DNAH17: variants seen among roughly 807,000 people sequenced by gnomAD.
The protein encoded by DNAH17 is dynein axonemal heavy chain 17, also known as axonemal beta dynein heavy chain 17.
A neutral mutation model predicts 485.6 loss-of-function variants in DNAH17; 376 were observed. That is an observed-to-expected ratio of 0.77 (90% CI 0.71 to 0.84). The LOEUF (loss-of-function observed/expected upper bound fraction) is 0.84, where lower values mean the gene tolerates loss of function less well. DNAH17 is among the 40% of genes least tolerant of loss of function. The pLI is 0.00. For synonymous variants in DNAH17, 3,031 were observed against 2,405.9 expected, an observed-to-expected ratio of 1.26 and a Z score of -7.60; for missense variants, 6,370 against 5,839.3, an observed-to-expected ratio of 1.09 and a Z score of -2.96.
chr17:78,486,056 C>G lies in DNAH17; in HGVS notation c.7179G>C (p.Thr2393=). 2 of 1,613,954 alleles carry G rather than the reference C, an allele frequency of 1.2e-6. No individual in the cohort carries two copies. Among genetic ancestry groups the G allele is most frequent in the Non-Finnish European group, 1.7e-6 (2 of 1,179,884 alleles). ...FKTIKFPSQG[T]IFDYYIDPDT... ...CAGGATCAATGTAGTAGTCAAAAAT[C>G]GTTCCCTGCGAGGGGAACTTGATAG... Residue 2393 remains threonine, a synonymous_variant, in exon 46 of 81, where the codon ACG becomes ACC. Coordinates refer to ENST00000389840, the MANE Select transcript of DNAH17 (RefSeq NM_173628.4).
rs771106587 is a variant in DNAH17, at chr17:78,525,025, C to T, written c.3848G>A (p.Trp1283Ter). The T allele has an allele frequency of 1.9e-6, 3 of 1,613,474 alleles. No homozygotes were observed. The highest frequency in any genetic ancestry group is 2.5e-6 in the Non-Finnish European group (3 of 1,179,600). The change falls in exon 25 of 81, where the codon TGG becomes TAG. Residue 1283 changes from tryptophan (W) to a stop codon, truncating the protein, a stop_gained. Transcript: ENST00000389840. LOFTEE classifies it high-confidence loss of function. ...HREVRLLKEL[W>*]DMVVVVNTSI... is the part of the protein sequence containing the mutation. ...TGCACTCACCACAACAACCATGTCC[C>T]AGAGCTCCTTCAGTAGGCGGACCTC...
At chr17:78,479,189 T>A in intron 50 of DNAH17, 73 bp from the exon 51 acceptor site, 1 of 1,455,724 alleles carries the variant, frequency 6.9e-7, no homozygotes, top group Non-Finnish European at 9.5e-7. Context: ...CTCAAGTTTC[T>A]AAAGCCAATG....
intron 75 of DNAH17, 70 bp from the exon 76 acceptor site, chr17:78,429,370 T>A: frequency 1.3e-6 from 2 of 1,525,552 alleles, no homozygotes; most frequent in Non-Finnish European, 1.8e-6. Flanking sequence ...AGGGTCAGGC[T>A]CAGGCAGGCA....
At chr17:78,544,668 G>A (rs1043594056) in intron 16 of DNAH17, among the ~76,000 whole-genome samples, 1 of 152,014 alleles carries the variant, frequency 6.6e-6, no homozygotes, top group Non-Finnish European at 1.5e-5. Flanking sequence ...CGCGCATGGT[G>A]GCGGGCACCT....
intron 79 of DNAH17, among the ~76,000 whole-genome samples, chr17:78,425,793 T>A (rs1598429827): frequency 7.3e-6 from 1 of 137,230 alleles, no homozygotes; most frequent in African/African-American, 2.8e-5. Context: ...TGAGATGAAG[T>A]ATCGCTCTGT....
intron 41 of DNAH17, 146 bp downstream of exon 41, chr17:78,493,890 T>G (rs2089964111): frequency 5.0e-6 from 6 of 1,198,360 alleles, no homozygotes; most frequent in Non-Finnish European, 6.7e-6. Context: ...GCTTCCTCCC[T>G]GGCCCATGAC....
chr17:78,506,728 G>A lies in DNAH17; in HGVS notation c.4795C>T (p.Pro1599Ser), dbSNP rs774418819. ...LLDILSNGND[P>S]VEVSRHLSKL... ...CAAGGGGCCCCGCCTACCTCCACGG[G>A]GTCATTGCCATTGGAGAGAATGTCC... The change falls in exon 30 of 81, where the codon CCC (proline) becomes TCC (serine). Residue 1599 changes from proline (P) to serine (S), a missense_variant. Transcript: ENST00000389840. 28 of 1,613,938 alleles carry A rather than the reference G, an allele frequency of 1.7e-5. No individual in the cohort carries two copies. The highest frequency in any genetic ancestry group is 2.4e-5 in the Non-Finnish European group (28 of 1,179,876).
chr17:78,530,348 G>A lies in DNAH17; in HGVS notation c.3279C>T (p.Thr1093=). Residue 1093 remains threonine, a synonymous_variant, in exon 21 of 81, where the codon ACC becomes ACT. Coordinates refer to ENST00000389840, the MANE Select transcript of DNAH17 (RefSeq NM_173628.4). ...MFKRHLSNHV[T]NSLADLEAFM... ...GTACATGGCTGGGGACCCACCTGTT[G>A]GTGACGTGGTTGCTCAGGTGCCGCT... The A allele has an allele frequency of 6.2e-7, 1 of 1,607,072 alleles. No homozygotes were observed. The highest frequency in any genetic ancestry group is 8.5e-7 in the Non-Finnish European group (1 of 1,174,770).
At chr17:78,428,412 A>C in intron 77 of DNAH17, 113 bp downstream of exon 77, 1 of 1,303,036 alleles carries the variant, frequency 7.7e-7, no homozygotes, top group Non-Finnish European at 1.1e-6. Context: ...AGGCTGGGGC[A>C]GAGTGTACCT....
At chr17:78,539,695 A>T (rs1568218764) in intron 18 of DNAH17, 42 bp downstream of exon 18, 2 of 1,489,288 alleles carry the variant, frequency 1.3e-6, no homozygotes, top group Admixed American at 4.4e-5. Context: ...AACAGATAAG[A>T]ATACATATAC....
At chr17:78,490,305 A>T (rs575104842) in intron 44 of DNAH17, among the ~76,000 whole-genome samples, 161 of 152,124 alleles carry the variant, frequency 1.1e-3, no homozygotes, top group African/African-American at 3.8e-3. Context: ...ACTCCCCACC[A>T]TGCCCTGTGA....
chr17:78,538,854 C>T (rs181709777), intron 18 of DNAH17, among the ~76,000 whole-genome samples: 10 of 152,326 alleles, frequency 6.6e-5, no homozygotes, highest in African/African-American at 2.2e-4. Context: ...GACACTGCCA[C>T]GTTCCTTTGT....
At chr17:78,511,779 TCAGCTGTGCC>T (rs1398048219) in intron 26 of DNAH17, among the ~76,000 whole-genome samples, 2 of 152,256 alleles carry the variant, frequency 1.3e-5, no homozygotes, top group Non-Finnish European at 2.9e-5. Flanking sequence ...CACCAAGACC[TCAGCTGTGCC>T]CAGCTCCTTT....
In DNAH17 at chr17:78,459,163, G is replaced by A. The variant is rs540696381; in HGVS notation, c.9699C>T (p.Ser3233=). The part of the protein sequence containing the change: ...NPTFDPEFIR[S]KSTAAAGLCS... ...ACAGGCCGGCGGCGGCCGTGGACTT[G>A]GAGCGGATGAACTCGGGGTCGAACG... The change falls in exon 61 of 81, where the codon TCC becomes TCT. Residue 3233 remains serine, a synonymous_variant. Transcript: ENST00000389840. 3 of 1,614,002 alleles carry A rather than the reference G, an allele frequency of 1.9e-6. No homozygotes were observed. Among genetic ancestry groups the A allele is most frequent in the African/African-American group, 1.3e-5 (1 of 75,062 alleles).
intron 26 of DNAH17, 103 bp downstream of exon 26, chr17:78,514,671 C>A: frequency 6.9e-7 from 1 of 1,444,970 alleles, no homozygotes; most frequent in Non-Finnish European, 9.2e-7. Flanking sequence ...GCTTTACCAG[C>A]ATCGGGCCCT....
intron 25 of DNAH17, among the ~76,000 whole-genome samples, chr17:78,515,722 C>T (rs952282202): frequency 1.3e-5 from 2 of 152,174 alleles, no homozygotes; most frequent in Admixed American, 6.5e-5. Context: ...GGGGCATCGC[C>T]GAAATACAGC....
At position 78,466,769 on chromosome 17, in the gene DNAH17, G is replaced by A. The variant is rs1191024899; in HGVS notation, c.8826C>T (p.Ala2942=). 1 of 1,609,224 alleles carries A rather than the reference G, an allele frequency of 6.2e-7. No individual in the cohort carries two copies. The highest frequency in any genetic ancestry group is 8.5e-7 in the Non-Finnish European group (1 of 1,178,008). Residue 2942 remains alanine, a synonymous_variant, in exon 56 of 81, where the codon GCC becomes GCT. Coordinates refer to ENST00000389840, the MANE Select transcript of DNAH17 (RefSeq NM_173628.4). ...AGTTGACCACAGCTGGGAACTTTCT[G>A]GCTCGTACCCGCAGCACGGAGCCCA... The part of the protein sequence containing the change: ...SPVGSVLRVR[A]RKFPAVVNCT...
chr17:78,564,245 C>A (rs148202120), intron 11 of DNAH17, among the ~76,000 whole-genome samples: 1 of 152,184 alleles, frequency 6.6e-6, no homozygotes, highest in Non-Finnish European at 1.5e-5. Context: ...CAGACCCGTA[C>A]GCTGGTCCTT....
intron 17 of DNAH17, 142 bp downstream of exon 17, chr17:78,543,715 G>T: frequency 1.6e-6 from 2 of 1,269,662 alleles, no homozygotes; most frequent in Non-Finnish European, 2.3e-6. Context: ...GAGAGCCACT[G>T]CATCCAGCCA....
Sources: gnomAD v4.1 joint callset for allele counts (sites outside exome capture counted in the v4.1 genomes callset) on GRCh38, gnomAD v4.1.1 for gene constraint, MANE v1.5 for transcripts, NCBI Gene and HGNC (gene_info 2026-07-23, HGNC 2026-07-21) for gene names.